The following TAF4B variants were observed in gnomAD, a reference collection of about 807,000 sequenced individuals.
TAF4B encodes the protein transcription initiation factor TFIID subunit 4B.
TAF4B carries 38 observed loss-of-function variants against 86.4 expected under a neutral mutation model. That is an observed-to-expected ratio of 0.44 (90% CI 0.34 to 0.58). The LOEUF is 0.58. TAF4B is among the 20% of genes least tolerant of loss of function. The probability of loss-of-function intolerance (pLI) is 0.02; values close to 1 mark genes in which losing one functional copy is unlikely to be tolerated. For synonymous variants in TAF4B, 388 were observed against 391.2 expected (o/e 0.99, Z 0.10); for missense variants, 988 against 1,027.6 (o/e 0.96, Z 0.53).
Position 26,282,037 on chromosome 18 carries a change from C to T in TAF4B, c.949C>T (p.Pro317Ser). Residue 317 changes from proline (P) to serine (S), a missense_variant, in exon 6 of 15, where the codon CCT becomes TCT. Transcript: ENST00000269142. ...TGTTGAACTCAAGTCTTCACCTCAG[C>T]CTCACCTGGTTCCTTTTCTTAAGGT... ...LYVELKSSPQ[P>S]HLVPFLKKSV... 1 of 1,613,154 alleles carries T rather than the reference C, an allele frequency of 6.2e-7. No homozygotes were observed. The highest frequency in any genetic ancestry group is 8.5e-7 in the Non-Finnish European group (1 of 1,179,574).
chr18:26,357,298 T>C (rs868598015), intron 13 of TAF4B, among the ~76,000 whole-genome samples: 5 of 152,340 alleles, frequency 3.3e-5, no homozygotes, highest in Non-Finnish European at 7.4e-5. Flanking sequence ...TGTGCAATAA[T>C]GTACAAAAAC....
chr18:26,333,526 A>C (rs2057067756), intron 12 of TAF4B, among the ~76,000 whole-genome samples: 1 of 152,122 alleles, frequency 6.6e-6, no homozygotes, highest in Non-Finnish European at 1.5e-5. Flanking sequence ...AGTAGCTGGG[A>C]CTATAGGCAC....
chr18:26,315,192 C>CACACAAACAAAA, intron 9 of TAF4B, 37 bp from the exon 10 acceptor site: 1 of 1,333,268 alleles, frequency 7.5e-7, no homozygotes, highest in Non-Finnish European at 1.0e-6. Flanking sequence ...CACACACACA[C>CACACAAACAAAA]AACCTAAAAT....
intron 9 of TAF4B, among the ~76,000 whole-genome samples, chr18:26,303,883 T>C (rs1050187546): frequency 2.6e-5 from 4 of 152,184 alleles, no homozygotes; most frequent in African/African-American, 9.7e-5. Context: ...ATCTCCATTA[T>C]ATATACCTTT....
At chr18:26,257,731 G>T (rs969506297) in intron 1 of TAF4B, among the ~76,000 whole-genome samples, 4 of 151,932 alleles carry the variant, frequency 2.6e-5, no homozygotes, top group Middle Eastern at 6.8e-3. Context: ...TTGCTTTAGG[G>T]CTTACAATAT....
intron 7 of TAF4B, among the ~76,000 whole-genome samples, chr18:26,286,720 G>A (rs895880232): frequency 6.6e-5 from 10 of 150,916 alleles, no homozygotes; most frequent in African/African-American, 2.2e-4. Flanking sequence ...GTCTTACTCT[G>A]TCGCCCAGGC....
At chr18:26,388,539 G>C (rs527620113) in intron 14 of TAF4B, among the ~76,000 whole-genome samples, 15 of 152,198 alleles carry the variant, frequency 9.9e-5, no homozygotes, top group Admixed American at 9.2e-4. Flanking sequence ...ATAGTACAAC[G>C]TAAGGTAATT....
intron 6 of TAF4B, among the ~76,000 whole-genome samples, chr18:26,283,886 A>G (rs1312594707): frequency 6.6e-6 from 1 of 152,080 alleles, no homozygotes; most frequent in Non-Finnish European, 1.5e-5. Flanking sequence ...CCCTGACTCT[A>G]CTAAAAAAAA....
At chr18:26,308,892 A>G (rs2056824986) in intron 9 of TAF4B, among the ~76,000 whole-genome samples, 1 of 151,390 alleles carries the variant, frequency 6.6e-6, no homozygotes, top group African/African-American at 2.4e-5. Flanking sequence ...AAAAAAAAAA[A>G]AAAAAAAGAA....
chr18:26,340,724 A>G (rs1284206906), intron 13 of TAF4B, among the ~76,000 whole-genome samples: 5 of 152,154 alleles, frequency 3.3e-5, no homozygotes, highest in Non-Finnish European at 1.5e-5. Flanking sequence ...TCTGCAGATC[A>G]CACTGAGAAT....
intron 9 of TAF4B, among the ~76,000 whole-genome samples, chr18:26,306,978 T>C (rs2056801782): frequency 6.6e-6 from 1 of 151,954 alleles, no homozygotes; most frequent in Non-Finnish European, 1.5e-5. Context: ...TGACGGAGTT[T>C]CACCGTGTTA....
intron 14 of TAF4B, among the ~76,000 whole-genome samples, chr18:26,386,481 T>C (rs1010287180): frequency 1.3e-5 from 2 of 152,070 alleles, no homozygotes; most frequent in Admixed American, 1.3e-4. Context: ...CTCACCACAG[T>C]TTTCACAGCA....
At chr18:26,247,778 A>C (rs1490524245) in intron 1 of TAF4B, among the ~76,000 whole-genome samples, 1 of 152,186 alleles carries the variant, frequency 6.6e-6, no homozygotes, top group Admixed American at 6.5e-5. Flanking sequence ...GGTACTTGGG[A>C]GGCTGAGGCA....
rs542657775 is a variant in TAF4B, at chr18:26,288,586, G to T, written c.1590+2087G>T. Among the ~76,000 whole-genome samples the T allele has an allele frequency of 7.2e-5, 11 of 152,262 alleles. No homozygotes were observed. The South Asian group carries it at 2.3e-3, about 32-fold the overall frequency. Reference sequence around the variant, plus strand: ...GGAGGCAGAGGTTGCAGTGAGCCAAGATCGCACCACAGCACTACAGCCTGG... The same window carrying T: ...GGAGGCAGAGGTTGCAGTGAGCCAATATCGCACCACAGCACTACAGCCTGG... On this transcript the variant is annotated intron_variant, in intron 7 of 14. Transcript: ENST00000269142.
intron 1 of TAF4B, among the ~76,000 whole-genome samples, chr18:26,231,632 C>T (rs568180296): frequency 2.0e-5 from 3 of 152,160 alleles, no homozygotes; most frequent in South Asian, 4.2e-4. Context: ...AGACTGCAGG[C>T]ATGAGCCACT....
At chr18:26,339,313 T>C (rs1598810755) in intron 13 of TAF4B, among the ~76,000 whole-genome samples, 1 of 152,256 alleles carries the variant, frequency 6.6e-6, no homozygotes, top group East Asian at 1.9e-4. Context: ...GTGAAAGTTT[T>C]GTTTTAGTTG....
chr18:26,296,897 T>C (rs2056669047), intron 9 of TAF4B, among the ~76,000 whole-genome samples: 1 of 126,454 alleles, frequency 7.9e-6, no homozygotes, highest in Non-Finnish European at 1.7e-5. Flanking sequence ...CCCAGCACTT[T>C]GGGAGGCCGA....
At position 26,226,969 on chromosome 18, in the gene TAF4B, T is replaced by TC. The variant is rs2144403805; in HGVS notation, c.41dup (p.Ala15GlyfsTer33). The TC allele has an allele frequency of 7.2e-7, 1 of 1,384,828 alleles. No homozygotes were observed. Among genetic ancestry groups the TC allele is most frequent in the Non-Finnish European group, 9.3e-7 (1 of 1,080,056 alleles). 85.8% of individuals were successfully genotyped at this position (1,384,828 alleles called of 1,614,324 possible). On this transcript the variant is annotated frameshift_variant, in exon 1 of 15. Coordinates refer to ENST00000269142, the MANE Select transcript of TAF4B (RefSeq NM_005640.3). ...GCCTCACCGAACCCGCCGGCGCCGC[T>TC]CCCCCGGCTGCTGTGAGCGCCTCGG...
At chr18:26,297,964 A>G (rs968199623) in intron 9 of TAF4B, among the ~76,000 whole-genome samples, 1 of 151,874 alleles carries the variant, frequency 6.6e-6, no homozygotes, top group Non-Finnish European at 1.5e-5. Flanking sequence ...CCACCAACAA[A>G]GTATGAGATT....
Sources: gnomAD v4.1 joint callset for allele counts (sites outside exome capture counted in the v4.1 genomes callset) on GRCh38, gnomAD v4.1.1 for gene constraint, MANE v1.5 for transcripts, NCBI Gene and HGNC (gene_info 2026-07-23, HGNC 2026-07-21) for gene names.